The following INSR variants were observed in gnomAD, a reference collection of about 807,000 sequenced individuals.
The protein encoded by INSR is insulin receptor.
INSR carries 67 observed loss-of-function variants against 142.6 expected under a neutral mutation model. That is an observed-to-expected ratio of 0.47 (90% CI 0.39 to 0.58). INSR has a LOEUF of 0.58. INSR is among the 20% of genes least tolerant of loss of function. The pLI, the probability that INSR is intolerant of heterozygous loss-of-function variation, is 0.00. For missense variants in INSR, 1,248 were observed against 1,833.2 expected (o/e 0.68, Z 5.83); for synonymous variants, 756 against 743.1 (o/e 1.02, Z -0.28).
chr19:7,185,841 CAAAAA>C (rs754262409), intron 2 of INSR, among the ~76,000 whole-genome samples: 3 of 45,046 alleles, frequency 6.7e-5, no homozygotes, highest in South Asian at 1.4e-3. Context: ...AAAATTCTGT[CAAAAA>C]AAAAAAAAAA....
intron 9 of INSR, among the ~76,000 whole-genome samples, chr19:7,160,303 C>A (rs1020457194): frequency 6.6e-6 from 1 of 151,928 alleles, no homozygotes; most frequent in Non-Finnish European, 1.5e-5. Context: ...TACAGGCCCA[C>A]GCCTGGCTAA....
intron 1 of INSR, among the ~76,000 whole-genome samples, chr19:7,272,894 G>T (rs1388182035): frequency 1.3e-5 from 2 of 152,074 alleles, no homozygotes; most frequent in Non-Finnish European, 2.9e-5. Context: ...GTCAAACAGA[G>T]AAGGCCACAT....
chr19:7,127,268 A>AGAGC (rs1568431419), intron 15 of INSR, among the ~76,000 whole-genome samples: 1 of 152,202 alleles, frequency 6.6e-6, no homozygotes, highest in African/African-American at 2.4e-5. Flanking sequence ...GTACTGTTCT[A>AGAGC]GAGCGAGCTC....
chr19:7,118,910 G>A (rs759997222), intron 21 of INSR, among the ~76,000 whole-genome samples: 10 of 69,096 alleles, frequency 1.4e-4, no homozygotes, highest in South Asian at 7.0e-4. Flanking sequence ...GCAAGATTCC[G>A]TCTCAAAAAA....
chr19:7,197,862 G>C (rs896744386), intron 2 of INSR, among the ~76,000 whole-genome samples: 1 of 133,474 alleles, frequency 7.5e-6, no homozygotes, highest in Non-Finnish European at 1.6e-5. Flanking sequence ...GAACGAGAGA[G>C]AGTGTGTGCG....
chr19:7,130,844 CT>C (rs1451791573), intron 14 of INSR, among the ~76,000 whole-genome samples: 13 of 149,846 alleles, frequency 8.7e-5, no homozygotes, highest in Non-Finnish European at 1.0e-4. Flanking sequence ...CCTTTTCTTT[CT>C]TTTTCTTTTT....
chr19:7,263,028 AGCACTTT>A (rs1165823129), intron 2 of INSR, among the ~76,000 whole-genome samples: 2 of 152,222 alleles, frequency 1.3e-5, no homozygotes, highest in Non-Finnish European at 1.5e-5. Context: ...CTGTAATCCC[AGCACTTT>A]GCGAGGCTGA....
chr19:7,182,110 T>C lies in INSR; in HGVS notation c.974+2206A>G, dbSNP rs1030148381. On this transcript the variant is annotated intron_variant, in intron 3 of 21. Coordinates refer to ENST00000302850, the MANE Select transcript of INSR (RefSeq NM_000208.4). ...ACTTTGGGAGGCCGAGGTGGGTGGA[T>C]CACTTGAGGTCAGGAGTTCAAGACC... Among the ~76,000 whole-genome samples the C allele has an allele frequency of 2.6e-4, 39 of 151,560 alleles. 1 individual carries two copies. The highest frequency in any genetic ancestry group is 9.2e-4 in the African/African-American group (38 of 41,260).
At position 7,268,489 on chromosome 19, in the gene INSR, G is replaced by A. The variant is rs115547488; in HGVS notation, c.101-593C>T. The stretch of plus-strand genomic sequence containing the variant: ...CCTGAGTTCTCATTCTCCTGAAGGC[G>A]GTCCCTCCCAGGCCCCAACGCCCAC... On this transcript the variant is annotated intron_variant, in intron 1 of 21. Transcript: ENST00000302850. 1.5e-3 allele frequency: 1,487 copies of A among 985,098 alleles called. 14 individuals are homozygous for A. In the African/African-American group the frequency reaches 0.024, roughly 16 times the overall value. 61.0% of individuals were successfully genotyped at this position (985,098 alleles called of 1,614,324 possible). A position where few individuals can be genotyped will look rare whatever the true frequency, so the allele number is the denominator to read the frequency against.
intron 2 of INSR, among the ~76,000 whole-genome samples, chr19:7,193,475 G>A (rs1974655397): frequency 6.6e-6 from 1 of 150,796 alleles, no homozygotes; most frequent in South Asian, 2.1e-4. Flanking sequence ...TCACGCTACT[G>A]CACTCCAGCC....
In INSR at chr19:7,166,143, G is replaced by T. The variant is rs764487169; in HGVS notation, c.1861+11C>A. ...TTCACATACGAATTCACATTCCCAAGACACACTCACTGGTGGCATCTGTCT... is the reference window on the plus strand; with the variant it reads ...TTCACATACGAATTCACATTCCCAATACACACTCACTGGTGGCATCTGTCT... On this transcript the variant is annotated intron_variant, in intron 8 of 21. Coordinates refer to ENST00000302850, the MANE Select transcript of INSR (RefSeq NM_000208.4). This position sits in a 1 kb window ranked among gnomAD's most constrained non-coding sequence, Gnocchi z 4.1. 1.2e-6 allele frequency: 2 copies of T among 1,613,652 alleles called. No individual in the cohort carries two copies. Among genetic ancestry groups the T allele is most frequent in the South Asian group, 2.2e-5 (2 of 91,026 alleles).
At chr19:7,270,876 C>T (rs769719512) in intron 1 of INSR, among the ~76,000 whole-genome samples, 11 of 152,058 alleles carry the variant, frequency 7.2e-5, no homozygotes, top group East Asian at 1.9e-4. Context: ...CTGGTTAACA[C>T]GGTGAAACTC....
chr19:7,181,497 A>G (rs1974273295), intron 3 of INSR, among the ~76,000 whole-genome samples: 1 of 152,022 alleles, frequency 6.6e-6, no homozygotes, highest in Admixed American at 6.6e-5. Flanking sequence ...TTCTCATCTC[A>G]GGAAGCAGCA....
intron 2 of INSR, among the ~76,000 whole-genome samples, chr19:7,219,520 A>AGGAAGGAGG (rs1392451044): frequency 2.0e-5 from 1 of 49,098 alleles, no homozygotes; most frequent in African/African-American, 7.2e-5. Context: ...AACGAAGGAA[A>AGGAAGGAGG]GAAGGAAGGA....
Position 7,267,984 on chromosome 19 carries a change from G to A in INSR, c.101-88C>T, listed in dbSNP as rs1175447835. ...GGATCAGGGGCAGAGCCGGCTTCAT[G>A]GACAGGAAACCTGGGCCCTGTGTTT... On this transcript the variant is annotated intron_variant, in intron 1 of 21. Coordinates refer to ENST00000302850, the MANE Select transcript of INSR (RefSeq NM_000208.4). This position sits in a 1 kb window ranked among gnomAD's most constrained non-coding sequence, Gnocchi z 6.3. 3.5e-6 allele frequency: 4 copies of A among 1,154,034 alleles called. No individual in the cohort carries two copies. Among genetic ancestry groups the A allele is most frequent in the Non-Finnish European group, 5.1e-6 (4 of 785,668 alleles). 71.5% of individuals were successfully genotyped at this position (1,154,034 alleles called of 1,614,324 possible).
chr19:7,153,305 C>T (rs1297465737), intron 9 of INSR, among the ~76,000 whole-genome samples: 1 of 111,556 alleles, frequency 9.0e-6, no homozygotes. Context: ...ACACACACCA[C>T]ACAAATCACA....
chr19:7,268,437 G>C (rs1391130934), intron 1 of INSR: 1 of 985,080 alleles, frequency 1.0e-6, no homozygotes, highest in Non-Finnish European at 1.2e-6. Context: ...GGCTTCCCAG[G>C]GAGCCCGATC....
intron 2 of INSR, among the ~76,000 whole-genome samples, chr19:7,213,392 C>T (rs914985020): frequency 6.6e-6 from 1 of 150,498 alleles, no homozygotes; most frequent in Admixed American, 6.6e-5. Flanking sequence ...ACTGCAGGAA[C>T]CCACCCTCCA....
At chr19:7,140,201 G>T (rs74757437) in intron 13 of INSR, among the ~76,000 whole-genome samples, 1 of 152,152 alleles carries the variant, frequency 6.6e-6, no homozygotes, top group Non-Finnish European at 1.5e-5. Context: ...GGTCCCAGGA[G>T]GGGTAGAGGG....
Sources: allele counts gnomAD v4.1 joint callset (sites outside exome capture counted in the v4.1 genomes callset), GRCh38; gene constraint gnomAD v4.1.1; non-coding constraint Gnocchi (gnomAD v3.1); transcripts MANE v1.5; gene names NCBI Gene and HGNC (gene_info 2026-07-23, HGNC 2026-07-21).